The following RBFOX1 variants were observed in gnomAD, a reference collection of about 807,000 sequenced individuals.
The protein encoded by RBFOX1 is RNA binding fox-1 homolog 1, also known as RNA binding protein fox-1 homolog 1.
Under a neutral mutation model 57.7 loss-of-function variants are expected in RBFOX1, and 8 were observed. The observed-to-expected ratio is 0.14, with a 90% CI of 0.08 to 0.25. The LOEUF (loss-of-function observed/expected upper bound fraction) is 0.25. Ranked by LOEUF, RBFOX1 falls within the 10% of genes least tolerant of loss-of-function variation. The probability of loss-of-function intolerance (pLI) is 1.00; values close to 1 mark genes in which losing one functional copy is unlikely to be tolerated. For synonymous variants in RBFOX1, 326 were observed against 222.4 expected (o/e 1.47, Z -4.15); for missense variants, 611 against 548.5 (o/e 1.11, Z -1.14).
At position 6,602,113 on chromosome 16, in the gene RBFOX1, G is replaced by C. The variant is rs188655137; in HGVS notation, c.-63-52490G>C. Among the ~76,000 whole-genome samples, 19 of 152,176 alleles carry C rather than the reference G, an allele frequency of 1.2e-4. 1 individual carries two copies. The highest frequency in any genetic ancestry group is 5.2e-4 in the Admixed American group (8 of 15,282). ...TAAGTTGTTTATTGGCCATTTGTCT[G>C]TCTTCTTTGGAGAAATGTTTGTTCA... On this transcript the variant is annotated intron_variant, in intron 2 of 15. Coordinates refer to ENST00000550418, the MANE Select transcript of RBFOX1 (RefSeq NM_018723.4).
chr16:7,521,654 A>C (rs1320855545), intron 5 of RBFOX1, among the ~76,000 whole-genome samples: 1 of 152,236 alleles, frequency 6.6e-6, no homozygotes, highest in Admixed American at 6.5e-5. Context: ...TTTTCTGTTA[A>C]TTATGATAAC....
intron 1 of RBFOX1, among the ~76,000 whole-genome samples, chr16:5,460,833 C>T (rs1379167336): frequency 6.6e-6 from 1 of 152,164 alleles, no homozygotes; most frequent in African/African-American, 2.4e-5. Flanking sequence ...AAATCTGAGT[C>T]CTAATCCCAT....
chr16:5,383,223 C>T (rs1179780848), intron 1 of RBFOX1, among the ~76,000 whole-genome samples: 1 of 152,140 alleles, frequency 6.6e-6, no homozygotes, highest in Non-Finnish European at 1.5e-5. Context: ...TAGGGGGCAA[C>T]CTTGAGGGCC....
chr16:5,277,464 T>C (rs143470372), intron 1 of RBFOX1, among the ~76,000 whole-genome samples: 40 of 46,182 alleles, frequency 8.7e-4, no homozygotes, highest in East Asian at 6.7e-3. Flanking sequence ...AAAAGAAATA[T>C]ACAATAAATT....
At chr16:5,681,298 A>G (rs1191614689) in intron 3 of RBFOX1, among the ~76,000 whole-genome samples, 1 of 142,754 alleles carries the variant, frequency 7.0e-6, no homozygotes. Flanking sequence ...GTTAGCCAGG[A>G]TGGTCTCGAT....
chr16:6,180,836 G>T (rs2097057537), intron 1 of RBFOX1, among the ~76,000 whole-genome samples: 1 of 152,118 alleles, frequency 6.6e-6, no homozygotes, highest in African/African-American at 2.4e-5. Flanking sequence ...AACATGCTGG[G>T]ATTACAGGTG....
chr16:6,974,365 G>A (rs918681015), intron 3 of RBFOX1, among the ~76,000 whole-genome samples: 7 of 64,630 alleles, frequency 1.1e-4, no homozygotes, highest in South Asian at 5.0e-4. Context: ...TTTTTTTTGC[G>A]ATAGAGTCTT....
At chr16:6,585,208 A>C (rs1038191601) in intron 2 of RBFOX1, among the ~76,000 whole-genome samples, 1 of 152,162 alleles carries the variant, frequency 6.6e-6, no homozygotes, top group Non-Finnish European at 1.5e-5. Flanking sequence ...TTCCAAAACA[A>C]TTCCTTAATA....
intron 3 of RBFOX1, among the ~76,000 whole-genome samples, chr16:5,704,363 A>G (rs2051160954): frequency 2.6e-5 from 4 of 152,106 alleles, no homozygotes. Context: ...AGAGAAGAGT[A>G]GCACACAGAG....
rs142142311 is a variant in RBFOX1, at chr16:6,970,472, A to G, written c.-15-81585A>G. ...GGTAATGTATCAACAATGGGAGTAC[A>G]TTGCTCACAGTTCTGGAAGCTGGGC... On this transcript the variant is annotated intron_variant, in intron 3 of 15. Transcript: ENST00000550418. 8.8e-3 allele frequency among the ~76,000 whole-genome samples: 1,342 copies of G among 152,214 alleles called. 17 individuals are homozygous for G. Among genetic ancestry groups the G allele is most frequent in the Non-Finnish European group, 0.014 (928 of 68,020 alleles).
rs1051864800 is a variant in RBFOX1, at chr16:7,057,914, A to T, written c.27+5816A>T. On this transcript the variant is annotated intron_variant, in intron 4 of 15. Transcript: ENST00000550418. ...TCCCAGCTACTCCGGAGGCTGAGGC[A>T]GGAGAATTGCTTGACCCCGGGAGGT... is the stretch of plus-strand genomic sequence containing the variant. Among the ~76,000 whole-genome samples, 3 of 150,300 alleles carry T rather than the reference A, an allele frequency of 2.0e-5. No individual in the cohort carries two copies. In the East Asian group the frequency reaches 6.2e-4, roughly 31 times the overall value.
At chr16:7,460,301 C>G (rs766070817) in intron 4 of RBFOX1, among the ~76,000 whole-genome samples, 1 of 148,894 alleles carries the variant, frequency 6.7e-6, no homozygotes, top group Non-Finnish European at 1.5e-5. Flanking sequence ...AGCCAGCCCA[C>G]GTATCTCTTC....
At chr16:6,808,289 C>G (rs1036458272) in intron 3 of RBFOX1, among the ~76,000 whole-genome samples, 2 of 151,606 alleles carry the variant, frequency 1.3e-5, no homozygotes, top group Non-Finnish European at 2.9e-5. Context: ...TTATCTTTTT[C>G]TCTCCTGCCT....
intron 4 of RBFOX1, among the ~76,000 whole-genome samples, chr16:7,059,068 G>A (rs2053428271): frequency 6.6e-6 from 1 of 152,166 alleles, no homozygotes; most frequent in Non-Finnish European, 1.5e-5. Context: ...GAGTGATGTG[G>A]ATTGCATAAT....
chr16:6,153,033 G>GTTTT (rs59957159), intron 1 of RBFOX1, among the ~76,000 whole-genome samples: 1,997 of 127,968 alleles, frequency 0.016, 54 homozygotes, highest in African/African-American at 0.053. Flanking sequence ...GTTATTTTCT[G>GTTTT]TTTTTTTTTT....
chr16:5,645,255 A>G (rs117034438), intron 3 of RBFOX1, among the ~76,000 whole-genome samples: 4,131 of 99,140 alleles, frequency 0.042, 83 homozygotes, highest in Middle Eastern at 0.11. Context: ...ATCTCAAAAA[A>G]ACAAAAACAG....
intron 4 of RBFOX1, among the ~76,000 whole-genome samples, chr16:7,244,214 C>T (rs965327668): frequency 2.3e-5 from 3 of 130,426 alleles, no homozygotes; most frequent in Admixed American, 9.0e-5. Flanking sequence ...ATCCCTTCTT[C>T]AGAGTCTGTT....
chr16:5,297,711 T>A (rs2063702888), intron 1 of RBFOX1, among the ~76,000 whole-genome samples: 2 of 152,264 alleles, frequency 1.3e-5, no homozygotes, highest in African/African-American at 2.4e-5. Context: ...ATTGAAGGAG[T>A]TTAGACTTGA....
intron 3 of RBFOX1, among the ~76,000 whole-genome samples, chr16:7,041,854 T>G (rs986320399): frequency 3.3e-5 from 5 of 152,200 alleles, no homozygotes; most frequent in African/African-American, 9.7e-5. Context: ...TTAAGTGCTT[T>G]GCTTAGTAAT....
Sources: gnomAD v4.1 joint callset for allele counts (sites outside exome capture counted in the v4.1 genomes callset) on GRCh38, gnomAD v4.1.1 for gene constraint, MANE v1.5 for transcripts, NCBI Gene and HGNC (gene_info 2026-07-23, HGNC 2026-07-21) for gene names.